Variants in SHISA9 observed in about 807,000 individuals in gnomAD.
SHISA9 encodes the protein shisa family member 9.
Under a neutral mutation model 38.0 loss-of-function variants are expected in SHISA9, and 13 were observed. That is an observed-to-expected ratio of 0.34 (90% CI 0.22 to 0.54). SHISA9 has a LOEUF of 0.54. SHISA9 is among the 20% of genes least tolerant of loss of function. The pLI is 0.91. For synonymous variants in SHISA9, 275 were observed against 242.0 expected, an observed-to-expected ratio of 1.14 and a Z score of -1.27; for missense variants, 538 against 575.8, an observed-to-expected ratio of 0.93 and a Z score of 0.67.
chr16:13,508,408 TA>T, the SHISA9 span, among the ~76,000 whole-genome samples: 3 of 152,336 alleles, frequency 2.0e-5, no homozygotes, highest in South Asian at 6.2e-4. Context: ...ACTGAGTACT[TA>T]AATCTTATTT....
chr16:13,285,596 T>A, the SHISA9 span, among the ~76,000 whole-genome samples: 1 of 151,460 alleles, frequency 6.6e-6, no homozygotes, highest in South Asian at 2.1e-4. Context: ...CTGTAAGCTA[T>A]CCAAGGTATA....
At chr16:13,149,933 G>GA (rs368916084) in intron 2 of SHISA9, among the ~76,000 whole-genome samples, 11,252 of 74,504 alleles carry the variant, frequency 0.15, 605 homozygotes, top group East Asian at 0.35. Context: ...TCAAAAAAAA[G>GA]AAAAAAAAAA....
the SHISA9 span, among the ~76,000 whole-genome samples, chr16:13,390,683 T>A: frequency 6.6e-6 from 1 of 152,220 alleles, no homozygotes; most frequent in Non-Finnish European, 1.5e-5. Flanking sequence ...AACAAGCATG[T>A]TACAGTCATT....
In SHISA9 at chr16:12,908,508, C is replaced by T. The variant is rs370153567; in HGVS notation, c.563+5881C>T. 43 of 1,552,104 alleles carry T rather than the reference C, an allele frequency of 2.8e-5. No homozygotes were observed. In the African/African-American group the frequency reaches 5.5e-4, roughly 20 times the overall value. ...TATGACAATCTGCTGTTTATGGAGG[C>T]ACAGATTTCTTTCCAAGAGGACGAA... On this transcript the variant is annotated intron_variant, in intron 1 of 4. Coordinates refer to ENST00000558583, the MANE Select transcript of SHISA9 (RefSeq NM_001145204.3).
At chr16:13,004,117 G>A (rs1257510706) in intron 2 of SHISA9, among the ~76,000 whole-genome samples, 1 of 152,168 alleles carries the variant, frequency 6.6e-6, no homozygotes, top group Non-Finnish European at 1.5e-5. Flanking sequence ...ACCTGTTGAG[G>A]AGGTGTTTGA....
chr16:13,058,467 C>T (rs1006238689), intron 2 of SHISA9, among the ~76,000 whole-genome samples: 4 of 152,148 alleles, frequency 2.6e-5, no homozygotes, highest in African/African-American at 9.7e-5. Context: ...TACACTACTT[C>T]CTTCATTTAC....
At chr16:13,484,344 T>A in the SHISA9 span, among the ~76,000 whole-genome samples, 1 of 152,160 alleles carries the variant, frequency 6.6e-6, no homozygotes, top group African/African-American at 2.4e-5. Flanking sequence ...ACTTCACCTC[T>A]CCGAGCCTCG....
the SHISA9 span, among the ~76,000 whole-genome samples, chr16:13,341,431 A>G: frequency 1.3e-5 from 2 of 152,148 alleles, no homozygotes; most frequent in Admixed American, 6.5e-5. Flanking sequence ...TGCTGCTGTA[A>G]GGAGATGGAG....
the SHISA9 span, among the ~76,000 whole-genome samples, chr16:13,394,411 C>G: frequency 6.6e-6 from 1 of 152,172 alleles, no homozygotes; most frequent in Non-Finnish European, 1.5e-5. Flanking sequence ...CTTTCATGTC[C>G]TTTTCTGGTC....
chr16:13,531,777 G>C, the SHISA9 span, among the ~76,000 whole-genome samples: 2 of 152,084 alleles, frequency 1.3e-5, no homozygotes, highest in Non-Finnish European at 2.9e-5. Context: ...GGGGCGGTGT[G>C]GGGGGCAGGG....
At chr16:12,973,884 A>T (rs1326469478) in intron 2 of SHISA9, among the ~76,000 whole-genome samples, 1 of 152,184 alleles carries the variant, frequency 6.6e-6, no homozygotes, top group Admixed American at 6.5e-5. Flanking sequence ...TGTGGATATT[A>T]TCTGGAGGGG....
chr16:13,305,503 C>G, the SHISA9 span, among the ~76,000 whole-genome samples: 1 of 152,306 alleles, frequency 6.6e-6, no homozygotes, highest in East Asian at 1.9e-4. Context: ...TCTATCCTGT[C>G]TTCCCCTGTC....
intron 2 of SHISA9, among the ~76,000 whole-genome samples, chr16:13,188,126 A>T (rs963509478): frequency 1.3e-5 from 2 of 152,196 alleles, no homozygotes; most frequent in African/African-American, 4.8e-5. Flanking sequence ...CCAGGCATCA[A>T]ATGGTCCATA....
At chr16:13,176,594 C>G (rs919376363) in intron 2 of SHISA9, among the ~76,000 whole-genome samples, 1 of 152,236 alleles carries the variant, frequency 6.6e-6, no homozygotes, top group African/African-American at 2.4e-5. Flanking sequence ...GGAACACGGA[C>G]CCACAGTGGG....
chr16:13,027,173 C>A (rs573380581), intron 2 of SHISA9, among the ~76,000 whole-genome samples: 1 of 152,316 alleles, frequency 6.6e-6, no homozygotes, highest in African/African-American at 2.4e-5. Context: ...GGTGAAGAGT[C>A]CTCAGCTTTC....
chr16:13,002,474 A>G (rs2072537873), intron 2 of SHISA9, among the ~76,000 whole-genome samples: 1 of 151,468 alleles, frequency 6.6e-6, no homozygotes, highest in African/African-American at 2.4e-5. Context: ...AAAACTTGAT[A>G]TGCCAGACAC....
rs372680732 is a variant in SHISA9 at position 13,216,111 on chromosome 16, C to T, written c.895+2811C>T. 1.1e-4 allele frequency among the ~76,000 whole-genome samples: 17 copies of T among 149,176 alleles called. No individual in the cohort carries two copies. The South Asian group carries it at 1.5e-3, about 13-fold the overall frequency. ...CTGAGGCAAGAGAATCGCTTGAATC[C>T]GGGAGATGGAGTTTGCAGTGAGCCA... On this transcript the variant is annotated intron_variant, in intron 4 of 4. Transcript: ENST00000558583.
the SHISA9 span, among the ~76,000 whole-genome samples, chr16:13,299,719 A>AC: frequency 6.6e-6 from 1 of 151,782 alleles, no homozygotes; most frequent in Non-Finnish European, 1.5e-5. Flanking sequence ...TCAAAAAAAA[A>AC]AAAAACAAAA....
intron 2 of SHISA9, among the ~76,000 whole-genome samples, chr16:12,949,437 G>A (rs1567349609): frequency 6.6e-6 from 1 of 152,176 alleles, no homozygotes; most frequent in Non-Finnish European, 1.5e-5. Context: ...GTTTGGGTGA[G>A]GCACCTCCTA....
Sources: gnomAD v4.1 joint callset for allele counts (sites outside exome capture counted in the v4.1 genomes callset) on GRCh38, gnomAD v4.1.1 for gene constraint, MANE v1.5 for transcripts, NCBI Gene and HGNC (gene_info 2026-07-23, HGNC 2026-07-21) for gene names.